ARK2C: variants seen among roughly 807,000 people sequenced by gnomAD.
ARK2C encodes the protein E3 ubiquitin-protein ligase ARK2C.
chr18:46,344,913 G>C, the ARK2C span, among the ~76,000 whole-genome samples: 2 of 152,360 alleles, frequency 1.3e-5, no homozygotes, highest in Admixed American at 1.3e-4. Flanking sequence ...TTGGACACCA[G>C]GGTGGTGGGC....
the ARK2C span, among the ~76,000 whole-genome samples, chr18:46,392,103 T>C: frequency 6.6e-6 from 1 of 151,442 alleles, no homozygotes; most frequent in African/African-American, 2.4e-5. Flanking sequence ...ACACCACGCA[T>C]ACACACACTG....
At chr18:46,351,683 A>T in the ARK2C span, among the ~76,000 whole-genome samples, 1 of 152,084 alleles carries the variant, frequency 6.6e-6, no homozygotes, top group African/African-American at 2.4e-5. Context: ...TTTTTTATGA[A>T]ACCCCACTGA....
At chr18:46,434,269 G>T in the ARK2C span, among the ~76,000 whole-genome samples, 1 of 151,754 alleles carries the variant, frequency 6.6e-6, no homozygotes, top group East Asian at 1.9e-4. Flanking sequence ...TGTTTATGTG[G>T]GTTTTGACTA....
chr18:46,339,930 A>G, the ARK2C span, among the ~76,000 whole-genome samples: 14 of 152,346 alleles, frequency 9.2e-5, no homozygotes, highest in East Asian at 1.9e-3. Flanking sequence ...GTAGCACATT[A>G]GATGATTTAA....
chr18:46,362,946 C>T, the ARK2C span, among the ~76,000 whole-genome samples: 7 of 152,174 alleles, frequency 4.6e-5, no homozygotes, highest in Admixed American at 6.5e-5. Flanking sequence ...AGACAGACCC[C>T]GGGGCTCTTG....
At chr18:46,375,307 C>A in the ARK2C span, among the ~76,000 whole-genome samples, 62 of 152,222 alleles carry the variant, frequency 4.1e-4, no homozygotes, top group Middle Eastern at 0.017. Context: ...CATCCCAGCA[C>A]TTTGGGAGGC....
At chr18:46,416,386 A>G in the ARK2C span, among the ~76,000 whole-genome samples, 1 of 152,186 alleles carries the variant, frequency 6.6e-6, no homozygotes, top group Non-Finnish European at 1.5e-5. Context: ...ATCCGTAAGC[A>G]TCCGCCAAGC....
the ARK2C span, among the ~76,000 whole-genome samples, chr18:46,424,355 G>C: frequency 2.0e-5 from 3 of 152,364 alleles, no homozygotes; most frequent in East Asian, 5.8e-4. Flanking sequence ...AGAGAGCAAG[G>C]CTGGGAGGGG....
chr18:46,448,953 A>T, the ARK2C span, among the ~76,000 whole-genome samples: 2 of 152,168 alleles, frequency 1.3e-5, no homozygotes, highest in Admixed American at 1.3e-4. Context: ...AGGAGCTTGC[A>T]TGAGTAATTT....
At chr18:46,441,011 T>C in the ARK2C span, among the ~76,000 whole-genome samples, 1 of 152,162 alleles carries the variant, frequency 6.6e-6, no homozygotes, top group Non-Finnish European at 1.5e-5. Context: ...AATTAATTTT[T>C]AGATACAGGG....
chr18:46,395,127 C>T, the ARK2C span, among the ~76,000 whole-genome samples: 235 of 152,330 alleles, frequency 1.5e-3, no homozygotes, highest in African/African-American at 5.0e-3. Context: ...TTTTATGGAG[C>T]TATGGGGTGG....
At chr18:46,452,845 C>T in the ARK2C span, among the ~76,000 whole-genome samples, 1 of 152,124 alleles carries the variant, frequency 6.6e-6, no homozygotes, top group African/African-American at 2.4e-5. Context: ...CGGTTCTACC[C>T]CTTATAACTC....
chr18:46,372,357 C>T, the ARK2C span, among the ~76,000 whole-genome samples: 1 of 152,226 alleles, frequency 6.6e-6, no homozygotes, highest in Non-Finnish European at 1.5e-5. Context: ...GCCTCGGTCC[C>T]ACCATTGCTC....
chr18:46,380,611 G>A, the ARK2C span, among the ~76,000 whole-genome samples: 1 of 152,142 alleles, frequency 6.6e-6, no homozygotes, highest in African/African-American at 2.4e-5. Flanking sequence ...TTGCTGAGCT[G>A]GTCGCTGGGA....
the ARK2C span, among the ~76,000 whole-genome samples, chr18:46,412,861 G>A: frequency 2.0e-5 from 3 of 152,116 alleles, no homozygotes; most frequent in East Asian, 1.9e-4. Context: ...GATAAGGACC[G>A]AGGCCCAAAG....
At chr18:46,376,058 G>A in the ARK2C span, among the ~76,000 whole-genome samples, 1 of 152,318 alleles carries the variant, frequency 6.6e-6, no homozygotes, top group African/African-American at 2.4e-5. Flanking sequence ...AACAGGGCCG[G>A]GCCCGGGGTC....
chr18:46,404,494 C>T, the ARK2C span, among the ~76,000 whole-genome samples: 1 of 152,150 alleles, frequency 6.6e-6, no homozygotes, highest in Admixed American at 6.5e-5. Context: ...TGGCTCACAC[C>T]TGTAATCCCA....
chr18:46,423,237 A>G, the ARK2C span, among the ~76,000 whole-genome samples: 27 of 152,218 alleles, frequency 1.8e-4, no homozygotes, highest in Non-Finnish European at 2.2e-4. Context: ...CCTGCTCTAC[A>G]GAGGCAGGGC....
the ARK2C span, among the ~76,000 whole-genome samples, chr18:46,418,186 CA>C: frequency 6.6e-6 from 1 of 151,976 alleles, no homozygotes; most frequent in South Asian, 2.1e-4. Context: ...CCTATCTCTA[CA>C]AAAAATAAAA....
Sources: allele counts gnomAD v4.1 joint callset (sites outside exome capture counted in the v4.1 genomes callset), GRCh38; gene constraint gnomAD v4.1.1; transcripts MANE v1.5; gene names NCBI Gene and HGNC (gene_info 2026-07-23, HGNC 2026-07-21).